DISC1: variants seen among roughly 807,000 people sequenced by gnomAD.
The protein encoded by DISC1 is disrupted in schizophrenia 1 protein.
In DISC1, 57 loss-of-function variants were observed where a neutral mutation model predicts 84.5. The observed-to-expected ratio is 0.67, with a 90% confidence interval of 0.55 to 0.84. The LOEUF is 0.84. DISC1 is among the 40% of genes least tolerant of loss of function. The pLI is 0.00. For missense variants in DISC1, 1,000 were observed against 1,057.8 expected (o/e 0.95, Z 0.76); for synonymous variants, 411 against 415.2 (o/e 0.99, Z 0.12).
intron 9 of DISC1, among the ~76,000 whole-genome samples, chr1:231,916,120 A>G (rs1051134429): frequency 6.6e-6 from 1 of 152,206 alleles, no homozygotes; most frequent in Admixed American, 6.5e-5. Flanking sequence ...TTGAGGTGAG[A>G]AAGAGTAGAC....
intron 9 of DISC1, among the ~76,000 whole-genome samples, chr1:231,906,207 A>T (rs953899609): frequency 6.6e-6 from 1 of 151,996 alleles, no homozygotes; most frequent in Non-Finnish European, 1.5e-5. Flanking sequence ...TTTTTAGTAG[A>T]GATGGGGTCT....
At chr1:231,657,963 G>T (rs2061260624) in intron 1 of DISC1, among the ~76,000 whole-genome samples, 1 of 152,088 alleles carries the variant, frequency 6.6e-6, no homozygotes, top group South Asian at 2.1e-4. Context: ...TTGGCCATTT[G>T]GGATTTGTTG....
intron 3 of DISC1, among the ~76,000 whole-genome samples, chr1:231,703,846 C>CG (rs1466981075): frequency 6.6e-6 from 1 of 152,188 alleles, no homozygotes; most frequent in Non-Finnish European, 1.5e-5. Flanking sequence ...GCTCAGCATT[C>CG]TGTGTTTTCC....
chr1:231,674,729 C>T (rs2062971564), intron 1 of DISC1, among the ~76,000 whole-genome samples: 1 of 152,168 alleles, frequency 6.6e-6, no homozygotes, highest in Non-Finnish European at 1.5e-5. Flanking sequence ...CTTTGTATGG[C>T]CTTCGTGGCC....
At position 231,954,990 on chromosome 1, in the gene DISC1, C is replaced by T. The variant is rs558920799; in HGVS notation, c.1982-3838C>T. On this transcript the variant is annotated intron_variant, in intron 9 of 12. Coordinates refer to ENST00000439617, the MANE Select transcript of DISC1 (RefSeq NM_018662.3). The surrounding 1 kb of genome is among the most constrained non-coding windows in gnomAD (Gnocchi z 4.8). Reference sequence around the variant, plus strand: ...CCTGGAAGTTCTTGTGCAGGTCCAGCGTGTCACCAACTGGTGCTTCAGACA... The same window carrying T: ...CCTGGAAGTTCTTGTGCAGGTCCAGTGTGTCACCAACTGGTGCTTCAGACA... Among the ~76,000 whole-genome samples the T allele has an allele frequency of 2.0e-5, 3 of 152,292 alleles. No individual in the cohort carries two copies. The highest frequency in any genetic ancestry group is 3.9e-4 in the East Asian group (2 of 5,182).
chr1:231,882,904 C>T (rs200051324), intron 9 of DISC1, among the ~76,000 whole-genome samples: 1 of 151,898 alleles, frequency 6.6e-6, no homozygotes, highest in Non-Finnish European at 1.5e-5. Flanking sequence ...GGATACAGGG[C>T]TGGGCACCTG....
At chr1:231,872,432 C>T (rs930271005) in intron 9 of DISC1, among the ~76,000 whole-genome samples, 2 of 152,174 alleles carry the variant, frequency 1.3e-5, no homozygotes, top group African/African-American at 4.8e-5. Context: ...GTGATACCTG[C>T]ACTCTCTAGG....
At chr1:231,789,219 G>A (rs1007679309) in intron 6 of DISC1, among the ~76,000 whole-genome samples, 1 of 152,146 alleles carries the variant, frequency 6.6e-6, no homozygotes, top group African/African-American at 2.4e-5. Context: ...CAGGTGGGAG[G>A]GGGTTGGCCC....
intron 1 of DISC1, among the ~76,000 whole-genome samples, chr1:231,633,494 C>A (rs2058918880): frequency 6.6e-6 from 1 of 152,162 alleles, no homozygotes. Context: ...AGGATTTGAG[C>A]TACTGTGTAA....
At chr1:232,032,133 C>G (rs1447734939) in intron 12 of DISC1, among the ~76,000 whole-genome samples, 1 of 152,162 alleles carries the variant, frequency 6.6e-6, no homozygotes, top group African/African-American at 2.4e-5. Flanking sequence ...AACATCACGT[C>G]AGTGCTCAGA....
At chr1:231,868,052 C>T (rs891219562) in intron 9 of DISC1, among the ~76,000 whole-genome samples, 1 of 151,924 alleles carries the variant, frequency 6.6e-6, no homozygotes, top group African/African-American at 2.4e-5. Flanking sequence ...GGCTGGGGGA[C>T]AAGAAAAAAC....
rs1018728264 is a variant in DISC1 at position 231,897,789 on chromosome 1, G to T, written c.1982-61039G>T. Among the ~76,000 whole-genome samples the T allele has an allele frequency of 3.9e-5, 6 of 152,110 alleles. No individual in the cohort carries two copies. The highest frequency in any genetic ancestry group is 8.8e-5 in the Non-Finnish European group (6 of 68,026). ...GCTTTGTCTGTCATTTGCTCTTTTT[G>T]GGTTAGCTTAAGCTAGGGATGTTTT... On this transcript the variant is annotated intron_variant, in intron 9 of 12. Transcript: ENST00000439617. The surrounding 1 kb of genome is among the most constrained non-coding windows in gnomAD (Gnocchi z 4.5).
chr1:231,673,272 A>G (rs2125476407), intron 1 of DISC1, among the ~76,000 whole-genome samples: 1 of 152,288 alleles, frequency 6.6e-6, no homozygotes, highest in South Asian at 2.1e-4. Context: ...TGGAGGTGGG[A>G]AAATGACTCA....
intron 1 of DISC1, 34 bp from the exon 2 acceptor site, chr1:231,693,792 A>G (rs977068341): frequency 6.2e-7 from 1 of 1,611,870 alleles, no homozygotes; most frequent in East Asian, 2.2e-5. Flanking sequence ...TAAGATCTGC[A>G]TGTTTATGGT....
intron 9 of DISC1, among the ~76,000 whole-genome samples, chr1:231,853,459 C>T (rs1413917484): frequency 6.6e-6 from 1 of 152,144 alleles, no homozygotes; most frequent in Admixed American, 6.5e-5. Flanking sequence ...AATTGTCACA[C>T]TGTAAGTATT....
intron 1 of DISC1, among the ~76,000 whole-genome samples, chr1:231,634,077 T>C: frequency 6.6e-6 from 1 of 151,960 alleles, no homozygotes; most frequent in South Asian, 2.1e-4. Context: ...AGAGACAGAG[T>C]TTCACCATGT....
At position 231,770,939 on chromosome 1, in the gene DISC1, C is replaced by T; in HGVS notation, c.1503C>T (p.Gly501=). The T allele has an allele frequency of 1.2e-6, 2 of 1,613,924 alleles. No individual in the cohort carries two copies. The part of the protein sequence containing the change: ...EEQEQQLQWQ[G]CDLTPLVGQL... ...AAGAGCAGCAACTCCAGTGGCAGGG[C>T]TGCGACCTGACCCCACTGGTGGGCC... is the stretch of plus-strand genomic sequence containing the variant. Residue 501 remains glycine, a synonymous_variant, in exon 6 of 13, where the codon GGC becomes GGT. Coordinates refer to ENST00000439617, the MANE Select transcript of DISC1 (RefSeq NM_018662.3).
At chr1:232,010,610 CAA>C (rs1263558963) in intron 11 of DISC1, among the ~76,000 whole-genome samples, 4 of 152,002 alleles carry the variant, frequency 2.6e-5, no homozygotes, top group African/African-American at 9.7e-5. Context: ...GACAGAGTAA[CAA>C]GAGAAAAATG....
chr1:231,808,652 G>A (rs555280660), intron 8 of DISC1, among the ~76,000 whole-genome samples: 1 of 152,352 alleles, frequency 6.6e-6, no homozygotes, highest in East Asian at 1.9e-4. Context: ...CTGGTAGATG[G>A]CCCAATGCCT....
Sources: allele counts gnomAD v4.1 joint callset (sites outside exome capture counted in the v4.1 genomes callset), GRCh38; gene constraint gnomAD v4.1.1; non-coding constraint Gnocchi (gnomAD v3.1); transcripts MANE v1.5; gene names NCBI Gene and HGNC (gene_info 2026-07-23, HGNC 2026-07-21).